The following CCDC148 variants were observed in gnomAD, a reference collection of about 807,000 sequenced individuals.
The protein encoded by CCDC148 is coiled-coil domain-containing protein 148.
Under a neutral mutation model 85.7 loss-of-function variants are expected in CCDC148, and 89 were observed. The ratio of observed to expected loss-of-function variants is 1.04; its 90% confidence interval spans 0.87 to 1.24. CCDC148 has a LOEUF of 1.24. Among genes scored for constraint, CCDC148 ranks in the 50% most tolerant of loss-of-function variants. CCDC148 has a pLI of 0.00. For synonymous variants in CCDC148, 230 were observed against 213.9 expected (o/e 1.08, Z -0.66); for missense variants, 692 against 671.7 (o/e 1.03, Z -0.33).
intron 7 of CCDC148, among the ~76,000 whole-genome samples, chr2:158,315,828 C>T (rs1692254359): frequency 6.6e-6 from 1 of 152,172 alleles, no homozygotes; most frequent in African/African-American, 2.4e-5. Context: ...TAACCAATGA[C>T]TGACCTACCT....
chr2:158,393,855 G>C (rs1685419163), intron 1 of CCDC148, among the ~76,000 whole-genome samples: 1 of 152,084 alleles, frequency 6.6e-6, no homozygotes, highest in Non-Finnish European at 1.5e-5. Context: ...ACAAAAAATA[G>C]AACAGTTTCA....
chr2:158,340,114 T>TTAAATAGAAGGGCAGCTAATTCTATCCAC, intron 5 of CCDC148, 128 bp downstream of exon 5: 1 of 671,272 alleles, frequency 1.5e-6, no homozygotes, highest in Non-Finnish European at 2.3e-6. Context: ...GCCCTTCTAT[T>TTAAATAGAAGGGCAGCTAATTCTATCCAC]TAAATATTAT....
chr2:158,382,728 G>T (rs894834434), intron 1 of CCDC148, among the ~76,000 whole-genome samples: 10 of 150,474 alleles, frequency 6.6e-5, no homozygotes, highest in Non-Finnish European at 1.5e-4. Context: ...GGCCAACATG[G>T]TAAAATCCAC....
At chr2:158,310,907 C>G (rs1218548044) in intron 8 of CCDC148, among the ~76,000 whole-genome samples, 1 of 150,992 alleles carries the variant, frequency 6.6e-6, no homozygotes, top group East Asian at 2.0e-4. Context: ...TCCTCACATC[C>G]CAGACGATGG....
At chr2:158,340,075 T>C (rs980022306) in intron 5 of CCDC148, among the ~76,000 whole-genome samples, 167 bp downstream of exon 5, 1 of 152,190 alleles carries the variant, frequency 6.6e-6, no homozygotes, top group Non-Finnish European at 1.5e-5. Context: ...CAGGCATGTG[T>C]TTAAAATATT....
intron 9 of CCDC148, among the ~76,000 whole-genome samples, chr2:158,270,160 C>T (rs2105161554): frequency 6.6e-6 from 1 of 152,192 alleles, no homozygotes; most frequent in African/African-American, 2.4e-5. Context: ...TATTGAAAAG[C>T]AATAAAATAG....
intron 9 of CCDC148, among the ~76,000 whole-genome samples, chr2:158,305,359 CTGCCTG>C (rs1691634876): frequency 6.6e-6 from 1 of 152,210 alleles, no homozygotes; most frequent in Non-Finnish European, 1.5e-5. Flanking sequence ...GACACAGGCC[CTGCCTG>C]AGACTGAGGT....
intron 7 of CCDC148, among the ~76,000 whole-genome samples, chr2:158,317,503 A>G (rs1692335567): frequency 6.6e-6 from 1 of 152,238 alleles, no homozygotes; most frequent in Non-Finnish European, 1.5e-5. Flanking sequence ...CAGATAATTC[A>G]GAAAACAACA....
chr2:158,415,881 C>T (rs1434383354), intron 1 of CCDC148, among the ~76,000 whole-genome samples: 1 of 152,226 alleles, frequency 6.6e-6, no homozygotes, highest in Non-Finnish European at 1.5e-5. Context: ...CTAGTGGGGA[C>T]TCTGTGTGGG....
intron 1 of CCDC148, among the ~76,000 whole-genome samples, chr2:158,384,857 A>C (rs1023567331): frequency 4.6e-5 from 7 of 152,160 alleles, no homozygotes; most frequent in African/African-American, 1.4e-4. Flanking sequence ...TGCAGGTTGG[A>C]AGTCTGGCAT....
At chr2:158,307,593 G>C (rs917243573) in intron 9 of CCDC148, among the ~76,000 whole-genome samples, 3 of 152,142 alleles carry the variant, frequency 2.0e-5, no homozygotes, top group African/African-American at 7.2e-5. Flanking sequence ...TCCAACAAAA[G>C]ACATGTTCAA....
At chr2:158,411,796 G>C (rs1686270985) in intron 1 of CCDC148, among the ~76,000 whole-genome samples, 2 of 152,094 alleles carry the variant, frequency 1.3e-5, no homozygotes, top group African/African-American at 4.8e-5. Context: ...GCATTTGAAG[G>C]AGTTATTTCT....
intron 13 of CCDC148, among the ~76,000 whole-genome samples, chr2:158,174,999 C>T (rs1476576866): frequency 2.6e-5 from 4 of 152,096 alleles, no homozygotes; most frequent in Non-Finnish European, 4.4e-5. Flanking sequence ...TGGTCAAATG[C>T]CTTAGTAGCA....
chr2:158,346,007 T>C (rs1574659995), intron 2 of CCDC148, among the ~76,000 whole-genome samples: 1 of 152,238 alleles, frequency 6.6e-6, no homozygotes, highest in South Asian at 2.1e-4. Flanking sequence ...TGAAAAATCA[T>C]GTAGCATTGA....
intron 1 of CCDC148, among the ~76,000 whole-genome samples, chr2:158,433,853 G>A (rs1302186747): frequency 2.6e-5 from 4 of 152,234 alleles, no homozygotes; most frequent in Non-Finnish European, 4.4e-5. Context: ...AGGGTCCCAC[G>A]CCCATGGAGC....
chr2:158,349,627 T>C (rs1311811086), intron 2 of CCDC148, among the ~76,000 whole-genome samples: 2 of 152,022 alleles, frequency 1.3e-5, no homozygotes, highest in East Asian at 3.8e-4. Flanking sequence ...ATTTGGCAAT[T>C]GTTCACAACT....
At chr2:158,197,442 T>C (rs1382989904) in intron 11 of CCDC148, among the ~76,000 whole-genome samples, 1 of 152,112 alleles carries the variant, frequency 6.6e-6, no homozygotes, top group African/African-American at 2.4e-5. Flanking sequence ...CTAAGCTTAA[T>C]TGAAGATCTT....
At chr2:158,353,255 T>G (rs1488867869) in intron 2 of CCDC148, among the ~76,000 whole-genome samples, 2 of 98,696 alleles carry the variant, frequency 2.0e-5, no homozygotes, top group Non-Finnish European at 4.2e-5. Flanking sequence ...ATGGACTAAA[T>G]TCTCCAATTA....
chr2:158,250,420 A>G (rs948733957), intron 10 of CCDC148, among the ~76,000 whole-genome samples: 1 of 151,940 alleles, frequency 6.6e-6, no homozygotes, highest in Non-Finnish European at 1.5e-5. Flanking sequence ...CCACATTGCC[A>G]TCAACCAAGA....
Sources: gnomAD v4.1 joint callset for allele counts (sites outside exome capture counted in the v4.1 genomes callset) on GRCh38, gnomAD v4.1.1 for gene constraint, MANE v1.5 for transcripts, NCBI Gene and HGNC (gene_info 2026-07-23, HGNC 2026-07-21) for gene names.